NIM1K: variants seen among roughly 807,000 people sequenced by gnomAD.
The protein encoded by NIM1K is serine/threonine-protein kinase NIM1.
In NIM1K, 35 loss-of-function variants were observed where a neutral mutation model predicts 37.1. The ratio of observed to expected loss-of-function variants is 0.94; its 90% CI spans 0.72 to 1.25. The LOEUF (loss-of-function observed/expected upper bound fraction) is 1.25, where lower values mean the gene tolerates loss of function less well. Among genes scored for constraint, NIM1K ranks in the 50% most tolerant of loss-of-function variants. NIM1K has a pLI of 0.00. For missense variants in NIM1K, 564 were observed against 548.0 expected (o/e 1.03, Z -0.29); for synonymous variants, 234 against 206.6 (o/e 1.13, Z -1.14).
chr5:43,275,821 A>C (rs1445873278), intron 2 of NIM1K, among the ~76,000 whole-genome samples: 2 of 152,284 alleles, frequency 1.3e-5, no homozygotes, highest in Non-Finnish European at 1.5e-5. Flanking sequence ...CTTACCTTGA[A>C]GGATCATCAG....
chr5:43,235,235 T>A (rs1391092552), intron 1 of NIM1K, among the ~76,000 whole-genome samples: 1 of 152,246 alleles, frequency 6.6e-6, no homozygotes, highest in African/African-American at 2.4e-5. Context: ...AAATCTAAAT[T>A]AATTATCCAA....
At chr5:43,213,309 T>C (rs1315275637) in intron 1 of NIM1K, among the ~76,000 whole-genome samples, 2 of 140,398 alleles carry the variant, frequency 1.4e-5, no homozygotes, top group African/African-American at 2.7e-5. Context: ...TCTTTTCTTT[T>C]CTTTTCTTTT....
Position 43,277,225 on chromosome 5 carries a change from G to A in NIM1K, c.461G>A (p.Gly154Glu). 6.2e-7 allele frequency: 1 copy of A among 1,614,050 alleles called. No individual in the cohort carries two copies. Among genetic ancestry groups the A allele is most frequent in the South Asian group, 1.1e-5 (1 of 91,076 alleles). ...CTGCACTTGGTGATGGAGTATGCAG[G>A]GGGTGGGGAGCTCTTCGGAAAAATT... ...SKLHLVMEYA[G>E]GGELFGKIST... The change falls in exon 3 of 4, where the codon GGG becomes GAG. Residue 154 changes from glycine to glutamate, a missense_variant. Gly to Glu is a moderately conservative substitution (Grantham distance 98). Transcript: ENST00000326035.
rs543527615 is a variant in NIM1K, at chr5:43,246,218, T to C, written c.292+151T>C. 293 of 599,790 alleles carry C rather than the reference T, an allele frequency of 4.9e-4. 1 individual carries two copies. The highest frequency in any genetic ancestry group is 1.0e-3 in the Admixed American group (33 of 31,762). The allele number at this position is 599,790 out of a possible 1,614,324, so 37.2% of individuals were successfully genotyped here. On this transcript the variant is annotated intron_variant, in intron 2 of 3. Coordinates refer to ENST00000326035, the MANE Select transcript of NIM1K (RefSeq NM_153361.4). ...CCTGTGCCAGCCGCCTTCTGTGGTC[T>C]TCTCAGTTAATTTTCACAGTAACCA...
chr5:43,265,351 C>G (rs1279103988), intron 2 of NIM1K, among the ~76,000 whole-genome samples: 1 of 152,146 alleles, frequency 6.6e-6, no homozygotes, highest in Non-Finnish European at 1.5e-5. Context: ...TCTCTTCTCA[C>G]TTCATTTCAT....
Position 43,280,796 on chromosome 5 carries a change from A to G in NIM1K, c.*67A>G, listed in dbSNP as rs1250567750. On this transcript the variant is annotated 3_prime_UTR_variant, in exon 4 of 4. Transcript: ENST00000326035. The stretch of plus-strand genomic sequence containing the variant: ...TGCTTCTAAATTTTTTTCAAGGACA[A>G]CTTGAGTGGAGACATTTTTGTAATT... 4 of 1,382,432 alleles carry G rather than the reference A, an allele frequency of 2.9e-6. No individual in the cohort carries two copies. The highest frequency in any genetic ancestry group is 3.9e-6 in the Non-Finnish European group (4 of 1,029,498). 85.6% of individuals were successfully genotyped at this position (1,382,432 alleles called of 1,614,324 possible). A position where few individuals can be genotyped will look rare whatever the true frequency, so the allele number is the denominator to read the frequency against.
At chr5:43,261,670 A>G (rs544254901) in intron 2 of NIM1K, among the ~76,000 whole-genome samples, 4 of 152,246 alleles carry the variant, frequency 2.6e-5, no homozygotes, top group East Asian at 3.9e-4. Flanking sequence ...TGTTTTAGAC[A>G]TGAAGTCCTT....
chr5:43,280,644 C>T lies in NIM1K; in HGVS notation c.1226C>T (p.Pro409Leu), dbSNP rs768418552. Residue 409 changes from proline (P) to leucine (L), a missense_variant, in exon 4 of 4, where the codon CCA becomes CTA. Transcript: ENST00000326035. Reference sequence around the variant, plus strand: ...GAAAGTGTCCCAGTCATGATGCTACCAGACCCTAAAGAAAGAGACCTCAAA... The same window carrying T: ...GAAAGTGTCCCAGTCATGATGCTACTAGACCCTAAAGAAAGAGACCTCAAA... ...ALESVPVMML[P>L]DPKERDLKKG... 3 of 1,613,876 alleles carry T rather than the reference C, an allele frequency of 1.9e-6. No individual in the cohort carries two copies. In the South Asian group the frequency reaches 3.3e-5, roughly 18 times the overall value.
At chr5:43,210,175 G>A (rs926554888) in intron 1 of NIM1K, among the ~76,000 whole-genome samples, 1 of 151,822 alleles carries the variant, frequency 6.6e-6, no homozygotes, top group South Asian at 2.1e-4. Context: ...GGGGAAGGGA[G>A]GAGAGAGGAA....
intron 1 of NIM1K, among the ~76,000 whole-genome samples, chr5:43,216,098 T>C (rs1752296185): frequency 6.6e-6 from 1 of 152,110 alleles, no homozygotes; most frequent in South Asian, 2.1e-4. Context: ...TATAGGTATA[T>C]ACCTATAAAG....
At chr5:43,229,384 C>CAAAAAAAAAA in intron 1 of NIM1K, among the ~76,000 whole-genome samples, 1 of 90,000 alleles carries the variant, frequency 1.1e-5, no homozygotes, top group Non-Finnish European at 2.1e-5. Context: ...AACTCCATCT[C>CAAAAAAAAAA]AAAAAAAAAA....
At chr5:43,236,219 A>G (rs944835392) in intron 1 of NIM1K, among the ~76,000 whole-genome samples, 15 of 152,122 alleles carry the variant, frequency 9.9e-5, no homozygotes, top group Non-Finnish European at 1.9e-4. Context: ...GTGAGCTGTG[A>G]TTGCACCACT....
At position 43,218,389 on chromosome 5, in the gene NIM1K, T is replaced by TA. The variant is rs1752333774; in HGVS notation, c.-695+25979dup. Among the ~76,000 whole-genome samples the TA allele has an allele frequency of 2.0e-5, 3 of 152,198 alleles. No homozygotes were observed. The South Asian group carries it at 6.2e-4, about 31-fold the overall frequency. On this transcript the variant is annotated intron_variant, in intron 1 of 3. Transcript: ENST00000326035. Reference sequence around the variant, plus strand: ...AAGGAATACCTGAGACTGGATAATTTATAAACAGACCTATTTGGCTCACAA... The same window carrying TA: ...AAGGAATACCTGAGACTGGATAATTTAATAAACAGACCTATTTGGCTCACAA...
chr5:43,215,718 G>A (rs1235042938), intron 1 of NIM1K, among the ~76,000 whole-genome samples: 6 of 152,196 alleles, frequency 3.9e-5, no homozygotes, highest in Admixed American at 2.6e-4. Context: ...ACAGGCATGA[G>A]CCACCATGCC....
intron 1 of NIM1K, among the ~76,000 whole-genome samples, chr5:43,195,816 G>C (rs1281483283): frequency 6.6e-6 from 1 of 152,060 alleles, no homozygotes; most frequent in Non-Finnish European, 1.5e-5. Flanking sequence ...AGATTAGAGA[G>C]CAAAATAAAA....
intron 1 of NIM1K, among the ~76,000 whole-genome samples, chr5:43,197,671 C>A (rs891262862): frequency 1.1e-4 from 16 of 152,320 alleles, no homozygotes; most frequent in African/African-American, 3.4e-4. Flanking sequence ...CCCCCTCTCC[C>A]ATTTTACCAT....
In NIM1K at chr5:43,280,232, C is replaced by T. The variant is rs1241510355; in HGVS notation, c.814C>T (p.Arg272Trp). The stretch of plus-strand genomic sequence containing the variant: ...CATGGTGACTGGCACCATGCCATTT[C>T]GGGCAGAAACCGTGGCCAAACTAAA... ...YFMVTGTMPF[R>W]AETVAKLKKS... The change falls in exon 4 of 4, where the codon CGG (arginine) becomes TGG (tryptophan). Residue 272 changes from arginine to tryptophan, a missense_variant. By Grantham distance (101) the Arg-to-Trp change is moderately radical. Coordinates refer to ENST00000326035, the MANE Select transcript of NIM1K (RefSeq NM_153361.4). 2 of 1,614,150 alleles carry T rather than the reference C, an allele frequency of 1.2e-6. No individual in the cohort carries two copies. Among genetic ancestry groups the T allele is most frequent in the Non-Finnish European group, 1.7e-6 (2 of 1,180,028 alleles).
intron 2 of NIM1K, among the ~76,000 whole-genome samples, chr5:43,257,078 A>T (rs1165182204): frequency 6.6e-6 from 1 of 151,224 alleles, no homozygotes; most frequent in Non-Finnish European, 1.5e-5. Flanking sequence ...GGTATCCAGC[A>T]TTGAAAAGGA....
chr5:43,257,712 G>C (rs920522058), intron 2 of NIM1K, among the ~76,000 whole-genome samples: 1 of 151,954 alleles, frequency 6.6e-6, no homozygotes, highest in Non-Finnish European at 1.5e-5. Flanking sequence ...TCTAATGCTA[G>C]AGAGGGAAGT....
Sources: allele counts gnomAD v4.1 joint callset (sites outside exome capture counted in the v4.1 genomes callset), GRCh38; gene constraint gnomAD v4.1.1; transcripts MANE v1.5; gene names NCBI Gene and HGNC (gene_info 2026-07-23, HGNC 2026-07-21).